LNX2: variants seen among roughly 807,000 people sequenced by gnomAD.
LNX2 encodes the protein ligand of Numb protein X 2.
A neutral mutation model predicts 66.2 loss-of-function variants in LNX2; 35 were observed. The observed-to-expected ratio is 0.53, with a 90% confidence interval of 0.40 to 0.70. LNX2 has a LOEUF of 0.70. Ranked by LOEUF, LNX2 falls within the 30% of genes least tolerant of loss-of-function variation. LNX2 has a pLI of 0.00. For synonymous variants in LNX2, 337 were observed against 315.6 expected, an observed-to-expected ratio of 1.07 and a Z score of -0.72; for missense variants, 791 against 850.8, an observed-to-expected ratio of 0.93 and a Z score of 0.87.
chr13:27,564,734 T>C (rs983451516), intron 4 of LNX2, among the ~76,000 whole-genome samples: 10 of 152,236 alleles, frequency 6.6e-5, no homozygotes, highest in African/African-American at 2.4e-4. Flanking sequence ...CTCTCTGGTC[T>C]GCAAATCAAC....
chr13:27,572,515 G>A (rs561095130), intron 2 of LNX2, among the ~76,000 whole-genome samples: 1 of 152,306 alleles, frequency 6.6e-6, no homozygotes, highest in East Asian at 1.9e-4. Flanking sequence ...GTACATGTAG[G>A]TGTGTTTTTT....
intron 7 of LNX2, 26 bp from the exon 8 acceptor site, chr13:27,553,465 A>G: frequency 6.3e-7 from 1 of 1,579,504 alleles, no homozygotes; most frequent in East Asian, 2.2e-5. Context: ...AACAAGAAAA[A>G]TGAGCTGAGC....
intron 2 of LNX2, among the ~76,000 whole-genome samples, chr13:27,580,694 C>A (rs1955387644): frequency 6.6e-6 from 1 of 152,144 alleles, no homozygotes; most frequent in Non-Finnish European, 1.5e-5. Context: ...TCAGTCTAGT[C>A]CCTGAACCCA....
intron 4 of LNX2, among the ~76,000 whole-genome samples, chr13:27,566,231 C>A (rs1342971688): frequency 1.3e-5 from 2 of 152,068 alleles, no homozygotes; most frequent in Non-Finnish European, 2.9e-5. Flanking sequence ...AATGGCTGAA[C>A]AAAAGCTTTA....
At chr13:27,588,661 G>A (rs1389643105) in intron 1 of LNX2, among the ~76,000 whole-genome samples, 3 of 152,122 alleles carry the variant, frequency 2.0e-5, no homozygotes, top group African/African-American at 7.2e-5. Context: ...GGATCTCTCT[G>A]TATTATTTCT....
intron 1 of LNX2, among the ~76,000 whole-genome samples, chr13:27,587,439 G>A (rs1291748873): frequency 6.6e-6 from 1 of 151,912 alleles, no homozygotes; most frequent in Non-Finnish European, 1.5e-5. Flanking sequence ...AGACATATTA[G>A]GCATTTAAAA....
At chr13:27,571,885 A>T (rs1955285120) in intron 2 of LNX2, among the ~76,000 whole-genome samples, 1 of 152,182 alleles carries the variant, frequency 6.6e-6, no homozygotes, top group Admixed American at 6.5e-5. Flanking sequence ...TACTTACGTA[A>T]CAACCTTTAT....
chr13:27,557,604 T>C (rs924516251), intron 6 of LNX2, among the ~76,000 whole-genome samples: 1 of 151,958 alleles, frequency 6.6e-6, no homozygotes, highest in Non-Finnish European at 1.5e-5. Context: ...CACAGAATTA[T>C]AACATTTCCT....
Position 27,550,495 on chromosome 13 carries a change from TA to T in LNX2, c.1779-5del, listed in dbSNP as rs752971279. On this transcript the variant is annotated splice_region_variant and splice_polypyrimidine_tract_variant and intron_variant, in intron 8 of 9. Coordinates refer to ENST00000316334, the MANE Select transcript of LNX2 (RefSeq NM_153371.4). The stretch of plus-strand genomic sequence containing the variant: ...ATCGTGGCAGCTATGAAGTGTGCTA[TA>T]AACAAACAGAAAAATAAAGAAAAAA... 2 of 1,594,978 alleles carry T rather than the reference TA, an allele frequency of 1.3e-6. No homozygotes were observed. The highest frequency in any genetic ancestry group is 3.6e-5 in the Admixed American group (2 of 55,052).
chr13:27,607,885 A>T, intron 1 of LNX2, among the ~76,000 whole-genome samples: 1 of 152,232 alleles, frequency 6.6e-6, no homozygotes. Context: ...AAACCTGGAG[A>T]TCAGCTGTAG....
intron 4 of LNX2, among the ~76,000 whole-genome samples, chr13:27,565,335 A>G (rs1400498160): frequency 6.6e-6 from 1 of 152,232 alleles, no homozygotes; most frequent in Non-Finnish European, 1.5e-5. Flanking sequence ...GGCTAGTAGC[A>G]AAAAATAAGT....
At chr13:27,569,418 T>C (rs1355955289) in intron 2 of LNX2, 142 bp from the exon 3 acceptor site, 10 of 789,408 alleles carry the variant, frequency 1.3e-5, no homozygotes, top group Non-Finnish European at 1.8e-5. Flanking sequence ...CTGATCCTAA[T>C]CTCCACTCAC....
intron 1 of LNX2, among the ~76,000 whole-genome samples, chr13:27,587,759 C>A (rs1264946850): frequency 6.6e-6 from 1 of 151,788 alleles, no homozygotes; most frequent in Non-Finnish European, 1.5e-5. Context: ...CGGTGGCTCA[C>A]GCCTGTAATC....
intron 1 of LNX2, among the ~76,000 whole-genome samples, chr13:27,588,050 A>AAAAAAAAAAT (rs1422814325): frequency 2.0e-5 from 3 of 147,940 alleles, no homozygotes; most frequent in Non-Finnish European, 1.5e-5. Flanking sequence ...AAAAAAAAAA[A>AAAAAAAAAAT]GCAGTGCTGT....
At chr13:27,607,752 T>C (rs1046843984) in intron 1 of LNX2, among the ~76,000 whole-genome samples, 1 of 152,170 alleles carries the variant, frequency 6.6e-6, no homozygotes, top group African/African-American at 2.4e-5. Flanking sequence ...TATTTAACCA[T>C]TTCACTGACT....
In LNX2 at chr13:27,587,867, A is replaced by G. The variant is rs141768132; in HGVS notation, c.-100-6064T>C. Among the ~76,000 whole-genome samples the G allele has an allele frequency of 1.9e-4, 29 of 152,032 alleles. No homozygotes were observed. In the East Asian group the frequency reaches 4.8e-3, roughly 25 times the overall value. ...AAACCCCATCTCTACTAAAAATACAAAAAATTAGCCGGGCATGGTGGCGAG... is the reference window on the plus strand; with the variant it reads ...AAACCCCATCTCTACTAAAAATACAGAAAATTAGCCGGGCATGGTGGCGAG... On this transcript the variant is annotated intron_variant, in intron 1 of 9. Coordinates refer to ENST00000316334, the MANE Select transcript of LNX2 (RefSeq NM_153371.4).
intron 2 of LNX2, among the ~76,000 whole-genome samples, chr13:27,574,175 T>C (rs1391972406): frequency 1.3e-5 from 2 of 152,226 alleles, no homozygotes; most frequent in Non-Finnish European, 1.5e-5. Context: ...AAAGAATGCA[T>C]GGCCGGGTGC....
rs552175427 is a variant in LNX2, at chr13:27,567,717, T to C, written c.778A>G (p.Ile260Val). Residue 260 changes from isoleucine (I) to valine (V), a missense_variant, in exon 4 of 10, where the codon ATT becomes GTT. By Grantham distance (29) the Ile-to-Val change is conservative. Transcript: ENST00000316334. ...VGGNETPLIN[I>V]VIQEVYRDGV... Reference sequence around the variant, plus strand: ...TCCCGATAGACCTCCTGGATGACAATGTTAATCAAAGGTGTTTCGTTGCCA... The same window carrying C: ...TCCCGATAGACCTCCTGGATGACAACGTTAATCAAAGGTGTTTCGTTGCCA... The C allele has an allele frequency of 2.4e-5, 38 of 1,613,898 alleles. No homozygotes were observed. Among genetic ancestry groups the C allele is most frequent in the Non-Finnish European group, 3.1e-5 (37 of 1,179,950 alleles).
intron 1 of LNX2, among the ~76,000 whole-genome samples, chr13:27,589,669 C>A (rs74040814): frequency 6.6e-6 from 1 of 152,070 alleles, no homozygotes; most frequent in Non-Finnish European, 1.5e-5. Flanking sequence ...AACTGGGTTA[C>A]CTGCCTGATT....
Sources: allele counts gnomAD v4.1 joint callset (sites outside exome capture counted in the v4.1 genomes callset), GRCh38; gene constraint gnomAD v4.1.1; transcripts MANE v1.5; gene names NCBI Gene and HGNC (gene_info 2026-07-23, HGNC 2026-07-21).